The following DOCK9 variants were observed in gnomAD, a reference collection of about 807,000 sequenced individuals.
The protein encoded by DOCK9 is dedicator of cytokinesis 9, also known as dedicator of cytokinesis protein 9.
In DOCK9, 89 loss-of-function variants were observed where a neutral mutation model predicts 263.3. The ratio of observed to expected loss-of-function variants is 0.34; its 90% CI spans 0.28 to 0.40. The LOEUF is 0.40. Ranked by LOEUF, DOCK9 falls within the 10% of genes least tolerant of loss-of-function variation. The probability of loss-of-function intolerance (pLI) is 1.00; values close to 1 mark genes in which losing one functional copy is unlikely to be tolerated. For missense variants in DOCK9, 2,140 were observed against 2,603.4 expected (o/e 0.82, Z 3.87); for synonymous variants, 976 against 973.1 (o/e 1.00, Z -0.06).
intron 27 of DOCK9, 127 bp downstream of exon 27, chr13:98,879,771 T>G: frequency 3.0e-6 from 2 of 661,830 alleles, no homozygotes; most frequent in East Asian, 5.6e-5. Flanking sequence ...AATGATTTAT[T>G]ACTTGTAAAG....
At chr13:98,969,777 G>A (rs1279002685) in intron 1 of DOCK9, among the ~76,000 whole-genome samples, 2 of 152,204 alleles carry the variant, frequency 1.3e-5, no homozygotes, top group Non-Finnish European at 2.9e-5. Flanking sequence ...GCCAGGCAAA[G>A]GCAGAGCTGT....
chr13:98,957,899 G>A (rs541674415), intron 1 of DOCK9, among the ~76,000 whole-genome samples: 62 of 152,228 alleles, frequency 4.1e-4, no homozygotes, highest in African/African-American at 1.3e-3. Flanking sequence ...CACAGGCCAG[G>A]GAGACTCTTT....
intron 2 of DOCK9, chr13:98,949,987 C>A: frequency 2.0e-6 from 1 of 494,342 alleles, no homozygotes; most frequent in South Asian, 1.6e-5. Flanking sequence ...TTGGCTTGTT[C>A]ATGTTTCAAA....
At chr13:99,047,550 G>A (rs886423979) in intron 1 of DOCK9, among the ~76,000 whole-genome samples, 2 of 132,886 alleles carry the variant, frequency 1.5e-5, no homozygotes, top group African/African-American at 2.8e-5. Context: ...ACGGAGTCTC[G>A]CCCAGTCGCC....
intron 6 of DOCK9, among the ~76,000 whole-genome samples, chr13:98,921,702 C>T (rs999928476): frequency 5.9e-5 from 9 of 152,208 alleles, no homozygotes; most frequent in African/African-American, 2.2e-4. Context: ...CAGTACACCT[C>T]CACAGAAGTG....
intron 1 of DOCK9, among the ~76,000 whole-genome samples, chr13:99,067,182 T>C (rs751092161): frequency 6.6e-6 from 1 of 152,176 alleles, no homozygotes; most frequent in Admixed American, 6.5e-5. Flanking sequence ...CACTCCAGAT[T>C]CCATGCTCCT....
intron 2 of DOCK9, among the ~76,000 whole-genome samples, chr13:98,942,550 T>A (rs1392140895): frequency 6.6e-6 from 1 of 152,196 alleles, no homozygotes; most frequent in Non-Finnish European, 1.5e-5. Context: ...TTGTCTTTCT[T>A]TAGAATTCTA....
chr13:99,050,766 T>C (rs1250259665), intron 1 of DOCK9, among the ~76,000 whole-genome samples: 3 of 152,122 alleles, frequency 2.0e-5, no homozygotes, highest in African/African-American at 7.2e-5. Context: ...CCACAAACTC[T>C]CTCCATCTAT....
At chr13:98,979,550 G>C (rs76925271), upstream of DOCK9, among the ~76,000 whole-genome samples, 2,093 of 152,184 alleles carry the variant, frequency 0.014, 35 homozygotes, top group South Asian at 0.065. Context: ...ACCCTTCTGA[G>C]TGTGAATATC....
intron 49 of DOCK9, among the ~76,000 whole-genome samples, chr13:98,802,563 C>T (rs1465715834): frequency 6.6e-6 from 1 of 152,180 alleles, no homozygotes; most frequent in Admixed American, 6.5e-5. Flanking sequence ...GAAGAAACTC[C>T]TTGGCAAAAG....
chr13:98,981,284 T>C (rs1417122456), upstream of DOCK9, among the ~76,000 whole-genome samples: 3 of 152,138 alleles, frequency 2.0e-5, no homozygotes, highest in Non-Finnish European at 4.4e-5. Context: ...CTCAAACTCC[T>C]GGGCTCAAGC....
In DOCK9 at chr13:99,015,499, G is replaced by A. The variant is rs540279242; in HGVS notation, c.130-59948C>T. 30 of 1,598,024 alleles carry A rather than the reference G, an allele frequency of 1.9e-5. No homozygotes were observed. The South Asian group carries it at 3.0e-4, about 16-fold the overall frequency. On this transcript the variant is annotated intron_variant, in intron 1 of 32. Transcript: ENST00000427887. ...ATCTTCTTTTGTCCAATTGTATGCT[G>A]TATATTCAAGGGCATTATTCTCTCC...
At position 98,882,966 on chromosome 13, in the gene DOCK9, C is replaced by A. The variant is rs150796050; in HGVS notation, c.2559+76G>T. 9.2e-4 allele frequency: 1,120 copies of A among 1,217,530 alleles called. 6 individuals are homozygous for A. The African/African-American group carries it at 0.014, about 16-fold the overall frequency. 75.4% of individuals were successfully genotyped at this position (1,217,530 alleles called of 1,614,324 possible). On this transcript the variant is annotated intron_variant, in intron 23 of 52. Transcript: ENST00000682017. ...TAAGAGCTTCCAAGGGGTGAGAACA[C>A]CACTCACCACCAAAGAGAAAACCCA...
At position 99,031,908 on chromosome 13, in the gene DOCK9, G is replaced by A. The variant is rs530382230; in HGVS notation, c.129+54315C>T. 1.2e-4 allele frequency among the ~76,000 whole-genome samples: 19 copies of A among 152,326 alleles called. No individual in the cohort carries two copies. The South Asian group carries it at 2.3e-3, about 18-fold the overall frequency. On this transcript the variant is annotated intron_variant, in intron 1 of 32. Transcript: ENST00000427887. Reference sequence around the variant, plus strand: ...CAAAACACACCTCTAAAGAGAGGGAGAGATTTGATTCCTCCAACTTCCACA... The same window carrying A: ...CAAAACACACCTCTAAAGAGAGGGAAAGATTTGATTCCTCCAACTTCCACA...
At chr13:99,082,405 G>A (rs58671814) in intron 1 of DOCK9, among the ~76,000 whole-genome samples, 1 of 151,278 alleles carries the variant, frequency 6.6e-6, no homozygotes, top group African/African-American at 2.4e-5. Context: ...TATAATCTCA[G>A]CTACTCAGGA....
chr13:98,821,708 G>T lies in DOCK9; in HGVS notation c.5130+2690C>A, dbSNP rs534332540. The stretch of plus-strand genomic sequence containing the variant: ...TCTCTTTATTAATCAAAAGCAGCTG[G>T]AAAGGAGTCTGCTCTTCGGCTCAGA... On this transcript the variant is annotated intron_variant, in intron 45 of 52. Coordinates refer to ENST00000682017, the MANE Select transcript of DOCK9 (RefSeq NM_001366683.2). 5.8e-4 allele frequency among the ~76,000 whole-genome samples: 88 copies of T among 152,272 alleles called. No homozygotes were observed. The South Asian group carries it at 0.017, about 29-fold the overall frequency.
Position 98,865,995 on chromosome 13 carries a change from G to T in DOCK9, c.3286+1430C>A, listed in dbSNP as rs768067388. Among the ~76,000 whole-genome samples the T allele has an allele frequency of 2.0e-5, 3 of 151,480 alleles. No homozygotes were observed. In the East Asian group the frequency reaches 5.8e-4, roughly 29 times the overall value. ...GGGGGGTGTGAGACCACAGAGGTGG[G>T]GGGCCAGGGTTAGATCAGGGGACAC... On this transcript the variant is annotated intron_variant, in intron 30 of 52. Coordinates refer to ENST00000682017, the MANE Select transcript of DOCK9 (RefSeq NM_001366683.2).
rs1226909663 is a variant in DOCK9 at position 99,066,651 on chromosome 13, A to G, written c.129+19572T>C. 4.6e-5 allele frequency among the ~76,000 whole-genome samples: 7 copies of G among 152,192 alleles called. 1 individual carries two copies. The South Asian group carries it at 6.2e-4, about 13-fold the overall frequency. On this transcript the variant is annotated intron_variant, in intron 1 of 32. Transcript: ENST00000427887. ...TCTTTGCACCTATGGAGCGTATTCT[A>G]AATTCCAAGAGAAATAAATCTCTTA...
At position 98,797,256 on chromosome 13, in the gene DOCK9, G is replaced by A; in HGVS notation, c.6018-3C>T. On this transcript the variant is annotated splice_region_variant and splice_polypyrimidine_tract_variant and intron_variant, in intron 51 of 52. Transcript: ENST00000682017. ...GACCGCAAGCTTCCACAAATTGCCT[G>A]GAATGGTACAGGCGGGAGAAACAAA... is the stretch of plus-strand genomic sequence containing the variant. 6.2e-7 allele frequency: 1 copy of A among 1,613,926 alleles called. No individual in the cohort carries two copies. The highest frequency in any genetic ancestry group is 8.5e-7 in the Non-Finnish European group (1 of 1,179,874).
Sources: gnomAD v4.1 joint callset for allele counts (sites outside exome capture counted in the v4.1 genomes callset) on GRCh38, gnomAD v4.1.1 for gene constraint, MANE v1.5 for transcripts, NCBI Gene and HGNC (gene_info 2026-07-23, HGNC 2026-07-21) for gene names.